The following IGLL5 variants were observed in gnomAD, a reference collection of about 807,000 sequenced individuals.
IGLL5 encodes immunoglobulin lambda-like polypeptide 5.
IGLL5 carries 30 observed loss-of-function variants against 20.9 expected under a neutral mutation model. The ratio of observed to expected loss-of-function variants is 1.44; its 90% CI spans 1.07 to 1.95. The LOEUF is 1.95. Among genes scored for constraint, IGLL5 ranks in the 30% most tolerant of loss-of-function variants. The pLI, the probability that IGLL5 is intolerant of heterozygous loss-of-function variation, is 0.00. For missense variants in IGLL5, 475 were observed against 270.7 expected (o/e 1.75, Z -5.30); for synonymous variants, 203 against 117.3 (o/e 1.73, Z -4.72).
At chr22:22,889,225 A>T in intron 1 of IGLL5, among the ~76,000 whole-genome samples, 1 of 150,920 alleles carries the variant, frequency 6.6e-6, no homozygotes, top group African/African-American at 2.4e-5. Flanking sequence ...TGCCTTGGGG[A>T]TGGGGAGGAC....
chr22:22,892,254 G>A (rs1299988479), intron 1 of IGLL5, among the ~76,000 whole-genome samples: 2 of 151,108 alleles, frequency 1.3e-5, no homozygotes, highest in Non-Finnish European at 1.5e-5. Flanking sequence ...ATTAAATTCT[G>A]TTTCAAAAAT....
intron 2 of IGLL5, among the ~76,000 whole-genome samples, 176 bp downstream of exon 2, chr22:22,893,994 C>A (rs939572177): frequency 1.1e-4 from 17 of 150,630 alleles, no homozygotes; most frequent in African/African-American, 4.2e-4. Flanking sequence ...GCAGGAAGGG[C>A]CTCCACAGTG....
intron 1 of IGLL5, among the ~76,000 whole-genome samples, chr22:22,892,413 C>A (rs1478739573): frequency 1.3e-5 from 2 of 151,012 alleles, no homozygotes; most frequent in Non-Finnish European, 2.9e-5. Flanking sequence ...GGATGGTTGC[C>A]ATCATAAACT....
intron 2 of IGLL5, among the ~76,000 whole-genome samples, chr22:22,894,111 T>G (rs935400292): frequency 3.3e-5 from 5 of 151,332 alleles, no homozygotes; most frequent in East Asian, 2.0e-4. Flanking sequence ...CAGAGGCTGG[T>G]TCTGATGAGG....
chr22:22,888,714 G>A (rs2067636041), intron 1 of IGLL5, among the ~76,000 whole-genome samples: 2 of 151,380 alleles, frequency 1.3e-5, no homozygotes, highest in Admixed American at 6.6e-5. Flanking sequence ...GCTTGGTTTG[G>A]TCTCCCCCAA....
In IGLL5 at chr22:22,889,575, T is replaced by G. The variant is rs9623964; in HGVS notation, c.206+1316T>G. 1.3e-5 allele frequency among the ~76,000 whole-genome samples: 2 copies of G among 150,664 alleles called. 1 individual carries two copies. Among genetic ancestry groups the G allele is most frequent in the African/African-American group, 4.9e-5 (2 of 40,990 alleles). ...CCAGAAAGGGTGTGAAAAAACACAA[T>G]TGTATTTGGGGGACTGTTGTTGTTT... On this transcript the variant is annotated intron_variant, in intron 1 of 2. Transcript: ENST00000526893.
chr22:22,888,700 A>T (rs139785926), intron 1 of IGLL5, among the ~76,000 whole-genome samples: 5 of 151,280 alleles, frequency 3.3e-5, no homozygotes, highest in South Asian at 2.1e-4. Context: ...AGAAGGCAGC[A>T]AGGGCTTGGT....
intron 2 of IGLL5, among the ~76,000 whole-genome samples, 162 bp downstream of exon 2, chr22:22,893,980 AC>A (rs2067960988): frequency 6.6e-6 from 1 of 151,142 alleles, no homozygotes; most frequent in East Asian, 2.0e-4. Context: ...TCTCCGGGTA[AC>A]CGGCAGGAAG....
intron 1 of IGLL5, among the ~76,000 whole-genome samples, chr22:22,888,952 G>C (rs113565330): frequency 6.6e-6 from 1 of 151,320 alleles, no homozygotes; most frequent in East Asian, 2.0e-4. Context: ...ACAGAGCAGC[G>C]TCAGAGGAGA....
chr22:22,893,844 C>A (rs781523087), intron 2 of IGLL5, 26 bp downstream of exon 2: 3 of 1,408,940 alleles, frequency 2.1e-6, no homozygotes, highest in African/African-American at 1.4e-5. Context: ...CCTTTCCCAG[C>A]CTGTCTCACC....
chr22:22,889,067 G>A (rs1037852500), intron 1 of IGLL5, among the ~76,000 whole-genome samples: 2 of 151,360 alleles, frequency 1.3e-5, no homozygotes, highest in East Asian at 2.0e-4. Flanking sequence ...GTCCTTGGAT[G>A]GATTTAGGTA....
rs151173231 is a variant in IGLL5 at position 22,888,248 on chromosome 22, C to G, written c.195C>G (p.Ser65Arg). ...SVGSSRSSLR[S>R]LWGRLLLQPS... ...GAAGCAGCCGATCCAGCCTGCGGAG[C>G]CTGTGGGGCAGGTAAGGGGCAAGAG... The change falls in exon 1 of 3, where the codon AGC (serine) becomes AGG (arginine). Residue 65 changes from serine to arginine, a missense_variant. Coordinates refer to ENST00000526893, the MANE Select transcript of IGLL5 (RefSeq NM_001178126.2). 8.1e-5 allele frequency: 126 copies of G among 1,547,552 alleles called. No individual in the cohort carries two copies. Among genetic ancestry groups the G allele is most frequent in the Non-Finnish European group, 1.0e-4 (116 of 1,146,366 alleles).
chr22:22,894,540 C>G (rs773916552), intron 2 of IGLL5, among the ~76,000 whole-genome samples: 1 of 151,444 alleles, frequency 6.6e-6, no homozygotes, highest in Admixed American at 6.6e-5. Context: ...CAGTGTCTCT[C>G]TGTTCACGGA....
At chr22:22,894,493 A>C (rs534301126) in intron 2 of IGLL5, among the ~76,000 whole-genome samples, 1 of 151,380 alleles carries the variant, frequency 6.6e-6, no homozygotes, top group African/African-American at 2.4e-5. Context: ...TAGGGCAGAG[A>C]TGTGTCTGTC....
intron 1 of IGLL5, among the ~76,000 whole-genome samples, chr22:22,890,884 A>T (rs2067824782): frequency 6.6e-6 from 1 of 150,846 alleles, no homozygotes; most frequent in African/African-American, 2.4e-5. Flanking sequence ...ATTTTTATTT[A>T]TTGGTTTTAT....
intron 1 of IGLL5, among the ~76,000 whole-genome samples, chr22:22,891,119 T>C: frequency 6.6e-6 from 1 of 151,318 alleles, no homozygotes; most frequent in East Asian, 2.0e-4. Context: ...GGTTTAATCT[T>C]TTCTTTATGG....
At chr22:22,894,084 G>A (rs578181933) in intron 2 of IGLL5, among the ~76,000 whole-genome samples, 2 of 151,458 alleles carry the variant, frequency 1.3e-5, no homozygotes, top group Admixed American at 1.3e-4. Context: ...TTCCAGGGCA[G>A]ATGTCTGAGT....
intron 1 of IGLL5, among the ~76,000 whole-genome samples, chr22:22,891,011 G>T (rs1220301634): frequency 6.6e-6 from 1 of 150,990 alleles, no homozygotes; most frequent in African/African-American, 2.4e-5. Context: ...CTTGTTTAGT[G>T]TATGTATTGT....
intron 2 of IGLL5, among the ~76,000 whole-genome samples, chr22:22,894,980 T>C (rs1451564110): frequency 6.6e-6 from 1 of 151,310 alleles, no homozygotes; most frequent in African/African-American, 2.4e-5. Context: ...GAGGAGGCTC[T>C]AGGTCCTGGA....
Sources: allele counts gnomAD v4.1 joint callset (sites outside exome capture counted in the v4.1 genomes callset), GRCh38; gene constraint gnomAD v4.1.1; transcripts MANE v1.5; gene names NCBI Gene and HGNC (gene_info 2026-07-23, HGNC 2026-07-21).